The following CFAP251 variants were observed in gnomAD, a reference collection of about 807,000 sequenced individuals.
CFAP251 encodes the protein cilia and flagella associated protein 251, also known as cilia- and flagella-associated protein 251.
A neutral mutation model predicts 126.7 loss-of-function variants in CFAP251; 93 were observed. The ratio of observed to expected loss-of-function variants is 0.73; its 90% CI spans 0.62 to 0.87. The LOEUF is 0.87. CFAP251 is among the 40% of genes least tolerant of loss of function. CFAP251 has a pLI of 0.00. For synonymous variants in CFAP251, 503 were observed against 506.9 expected (o/e 0.99, Z 0.10); for missense variants, 1,287 against 1,389.2 (o/e 0.93, Z 1.17).
chr12:121,921,456 C>A lies in CFAP251; in HGVS notation c.151C>A (p.Gln51Lys). ...TGACACAATAGCATGGAGAGAGTCTCAGGAGGAGGAGAGGAAAACGGGCGA... is the reference window on the plus strand; with the variant it reads ...TGACACAATAGCATGGAGAGAGTCTAAGGAGGAGGAGAGGAAAACGGGCGA... Reference protein sequence around the residue: ...KDDTIAWRESQEEERKTGEEE... With the variant: ...KDDTIAWRESKEEERKTGEEE... Residue 51 changes from glutamine (Q) to lysine (K), a missense_variant, in exon 2 of 22, where the codon CAG (glutamine) becomes AAG (lysine). By Grantham distance (53) the Gln-to-Lys change is moderately conservative. Transcript: ENST00000288912. 6.2e-7 allele frequency: 1 copy of A among 1,611,340 alleles called. No homozygotes were observed. The highest frequency in any genetic ancestry group is 1.3e-5 in the African/African-American group (1 of 74,120).
chr12:121,979,843 G>T (rs1015434271), intron 19 of CFAP251, among the ~76,000 whole-genome samples: 1 of 152,126 alleles, frequency 6.6e-6, no homozygotes, highest in South Asian at 2.1e-4. Flanking sequence ...TGGGATTACA[G>T]GCGTGAGCCA....
chr12:121,927,917 T>C (rs2135748023), intron 3 of CFAP251, among the ~76,000 whole-genome samples: 1 of 152,356 alleles, frequency 6.6e-6, no homozygotes, highest in Admixed American at 6.5e-5. Flanking sequence ...TCCAGATTAA[T>C]ATGTTTTAGA....
chr12:122,002,564 GAA>G (rs1424834443), intron 21 of CFAP251, among the ~76,000 whole-genome samples: 1 of 151,894 alleles, frequency 6.6e-6, no homozygotes, highest in African/African-American at 2.4e-5. Context: ...GAGAGAGAGA[GAA>G]AGATTTGGAG....
intron 1 of CFAP251, among the ~76,000 whole-genome samples, chr12:121,920,471 A>T (rs1592956723): frequency 6.9e-6 from 1 of 145,794 alleles, no homozygotes; most frequent in African/African-American, 2.6e-5. Context: ...ATCTCGGCTC[A>T]CTGCAAGCTC....
chr12:121,973,354 C>G (rs1234778606), intron 17 of CFAP251, among the ~76,000 whole-genome samples: 2 of 152,212 alleles, frequency 1.3e-5, no homozygotes, highest in Non-Finnish European at 2.9e-5. Flanking sequence ...AAGTTTGTTG[C>G]AGGGGCGGGG....
At position 121,983,292 on chromosome 12, in the gene CFAP251, G is replaced by T. The variant is rs9668966; in HGVS notation, c.3006+7607G>T. Among the ~76,000 whole-genome samples the T allele has an allele frequency of 7.9e-3, 1,196 of 151,906 alleles. 16 individuals carry two copies. The highest frequency in any genetic ancestry group is 0.028 in the African/African-American group (1,141 of 41,440). On this transcript the variant is annotated intron_variant, in intron 19 of 21. Coordinates refer to ENST00000288912, the MANE Select transcript of CFAP251 (RefSeq NM_144668.6). ...AACCGGAGTCCCAGCTACCCTGGAGGCTGAGGCAGGAGGATTGCTTGATCC... is the reference window on the plus strand; with the variant it reads ...AACCGGAGTCCCAGCTACCCTGGAGTCTGAGGCAGGAGGATTGCTTGATCC...
chr12:121,971,207 GCCAC>G (rs905374769), intron 17 of CFAP251, among the ~76,000 whole-genome samples: 1 of 152,232 alleles, frequency 6.6e-6, no homozygotes, highest in African/African-American at 2.4e-5. Flanking sequence ...TGGCCTGGAG[GCCAC>G]AGAGAGGGAG....
rs757199442 is a variant in CFAP251, at chr12:121,975,314, C to G, written c.2842C>G (p.Arg948Gly). The change falls in exon 18 of 22, where the codon CGG (arginine) becomes GGG (glycine). Residue 948 changes from arginine (R) to glycine (G), a missense_variant. Coordinates refer to ENST00000288912, the MANE Select transcript of CFAP251 (RefSeq NM_144668.6). ...TPFYGLLSGG[R>G]EGKFYRELED... The stretch of plus-strand genomic sequence containing the variant: ...ATTCTATGGTCTGCTGTCTGGTGGC[C>G]GGGAAGGAAAATTCTACAGGGTAAT... 3.7e-6 allele frequency: 6 copies of G among 1,614,054 alleles called. No individual in the cohort carries two copies. The highest frequency in any genetic ancestry group is 3.3e-5 in the Admixed American group (2 of 60,000).
intron 3 of CFAP251, among the ~76,000 whole-genome samples, chr12:121,931,326 T>C (rs1307332620): frequency 6.6e-6 from 1 of 152,118 alleles, no homozygotes; most frequent in Non-Finnish European, 1.5e-5. Flanking sequence ...AACGTTGCCA[T>C]CTTAACCTTT....
chr12:122,002,548 AAGAG>A (rs140097573), intron 21 of CFAP251, among the ~76,000 whole-genome samples: 2,966 of 151,352 alleles, frequency 0.02, 79 homozygotes, highest in African/African-American at 0.068. Flanking sequence ...TCAATTAAAA[AAGAG>A]AGAGAGAGAG....
Position 121,931,856 on chromosome 12 carries a change from C to T in CFAP251, c.858C>T (p.Asn286=), listed in dbSNP as rs7313748. The T allele has an allele frequency of 0.3, 471,777 of 1,595,246 alleles. 74,155 individuals carry two copies. Among genetic ancestry groups the T allele is most frequent in the East Asian group, 0.48 (21,031 of 43,454 alleles). ...YVCAHTAIIY[N]VFRNNQYHLQ... ...GTGCTCACACTGCGATCATCTACAA[C>T]GTGTTCAGGAACAATCAATACCACC... Residue 286 remains asparagine, a synonymous_variant, in exon 4 of 22, where the codon AAC becomes AAT. Coordinates refer to ENST00000288912, the MANE Select transcript of CFAP251 (RefSeq NM_144668.6).
In CFAP251 at chr12:121,974,939, C is replaced by A. The variant is rs998852654; in HGVS notation, c.2772-305C>A. 6.6e-6 allele frequency among the ~76,000 whole-genome samples: 1 copy of A among 152,168 alleles called. No individual in the cohort carries two copies. The highest frequency in any genetic ancestry group is 1.5e-5 in the Non-Finnish European group (1 of 68,022). ...GTTTCAGAACACAGGATGCCTCCCC[C>A]ACCCCCAGGAGAGACATGTTCCCCA... is the stretch of plus-strand genomic sequence containing the variant. On this transcript the variant is annotated intron_variant, in intron 17 of 21. Coordinates refer to ENST00000288912, the MANE Select transcript of CFAP251 (RefSeq NM_144668.6). The surrounding 1 kb of genome is among the most constrained non-coding windows in gnomAD (Gnocchi z 4.6).
chr12:121,978,974 G>T (rs937091848), intron 19 of CFAP251, among the ~76,000 whole-genome samples: 1 of 152,082 alleles, frequency 6.6e-6, no homozygotes, highest in Admixed American at 6.6e-5. Context: ...CATTTTACGT[G>T]CCCATCTTCA....
intron 12 of CFAP251, 87 bp from the exon 13 acceptor site, chr12:121,958,856 C>T: frequency 4.8e-6 from 7 of 1,459,732 alleles, no homozygotes; most frequent in Non-Finnish European, 6.5e-6. Flanking sequence ...GCTGTCTTCT[C>T]CGCACCCAGA....
chr12:121,942,727 C>T, intron 6 of CFAP251, 82 bp downstream of exon 6: 1 of 1,290,076 alleles, frequency 7.8e-7, no homozygotes, highest in South Asian at 1.3e-5. Flanking sequence ...TCTGTTCAGG[C>T]TGGGCTGTGT....
At chr12:121,960,057 C>T (rs1348020892) in intron 13 of CFAP251, among the ~76,000 whole-genome samples, 1 of 151,914 alleles carries the variant, frequency 6.6e-6, no homozygotes, top group Non-Finnish European at 1.5e-5. Context: ...CTTTTGAGCC[C>T]AGGAGACTGA....
intron 5 of CFAP251, among the ~76,000 whole-genome samples, chr12:121,942,298 C>A (rs1881151902): frequency 6.6e-6 from 1 of 152,166 alleles, no homozygotes; most frequent in African/African-American, 2.4e-5. Flanking sequence ...GACTCATACA[C>A]CACACGCCTT....
intron 2 of CFAP251, among the ~76,000 whole-genome samples, chr12:121,923,397 G>T (rs1339748830): frequency 6.6e-6 from 1 of 152,108 alleles, no homozygotes; most frequent in East Asian, 1.9e-4. Context: ...GGGCTCAAGT[G>T]ATCCTCCCCT....
At chr12:121,919,920 G>T (rs897634195) in intron 1 of CFAP251, among the ~76,000 whole-genome samples, 3 of 152,100 alleles carry the variant, frequency 2.0e-5, no homozygotes, top group Admixed American at 1.3e-4. Context: ...GATGGCTCAC[G>T]CCTGTAATCC....
Sources: gnomAD v4.1 joint callset for allele counts (sites outside exome capture counted in the v4.1 genomes callset) on GRCh38, gnomAD v4.1.1 for gene constraint, Gnocchi (gnomAD v3.1) non-coding constraint, MANE v1.5 for transcripts, NCBI Gene and HGNC (gene_info 2026-07-23, HGNC 2026-07-21) for gene names.